Variants in CPM observed in about 807,000 individuals in gnomAD.
CPM encodes carboxypeptidase M.
A neutral mutation model predicts 46.4 loss-of-function variants in CPM; 35 were observed. That is an observed-to-expected ratio of 0.75 (90% CI 0.58 to 1.00). The LOEUF is 1.00. Ranked by LOEUF, CPM falls within the 50% of genes least tolerant of loss-of-function variation. The probability of loss-of-function intolerance (pLI) is 0.00; values close to 1 mark genes in which losing one functional copy is unlikely to be tolerated. For synonymous variants in CPM, 195 were observed against 195.3 expected, an observed-to-expected ratio of 1.00 and a Z score of 0.01; for missense variants, 422 against 530.4, an observed-to-expected ratio of 0.80 and a Z score of 2.01.
chr12:68,932,530 A>C (rs1018164213), intron 2 of CPM, 148 bp downstream of exon 2: 7 of 886,914 alleles, frequency 7.9e-6, no homozygotes, highest in Non-Finnish European at 1.2e-5. Flanking sequence ...AAAAGCAGAA[A>C]ACAACCAACA....
intron 2 of CPM, among the ~76,000 whole-genome samples, chr12:68,893,906 C>T (rs1056632454): frequency 6.6e-6 from 1 of 152,170 alleles, no homozygotes; most frequent in African/African-American, 2.4e-5. Flanking sequence ...CTCTGGCCAA[C>T]CTCTTTGGGC....
chr12:68,859,310 C>A (rs895629016), intron 7 of CPM, among the ~76,000 whole-genome samples: 1 of 152,118 alleles, frequency 6.6e-6, no homozygotes, highest in Non-Finnish European at 1.5e-5. Context: ...TATATTAGTA[C>A]GTATTATCAC....
At position 68,853,151 on chromosome 12, in the gene CPM, A is replaced by G. The variant is rs960841561; in HGVS notation, c.*3286T>C. Reference sequence around the variant, plus strand: ...TAAAAACTATTTCAGCAAGAGATTTACATTAAGGCTCATGAACTAATTCAG... The same window carrying G: ...TAAAAACTATTTCAGCAAGAGATTTGCATTAAGGCTCATGAACTAATTCAG... On this transcript the variant is annotated 3_prime_UTR_variant, in exon 9 of 9. Coordinates refer to ENST00000551568, the MANE Select transcript of CPM (RefSeq NM_198320.5). 5.9e-5 allele frequency: 9 copies of G among 152,240 alleles called. No individual in the cohort carries two copies. Among genetic ancestry groups the G allele is most frequent in the African/African-American group, 2.2e-4 (9 of 41,464 alleles). 9.4% of individuals were successfully genotyped at this position (152,240 alleles called of 1,614,324 possible).
At chr12:68,935,408 G>A (rs1195738), upstream of CPM, among the ~76,000 whole-genome samples, 83,987 of 151,794 alleles carry the variant, frequency 0.55, 23,913 homozygotes, top group South Asian at 0.62. Flanking sequence ...TTACAGGCAC[G>A]CATCGCCACA....
chr12:68,930,247 AT>A (rs1888445109), intron 2 of CPM, among the ~76,000 whole-genome samples: 1 of 152,088 alleles, frequency 6.6e-6, no homozygotes, highest in African/African-American at 2.4e-5. Flanking sequence ...TGTCTGGTTA[AT>A]TTTTTGTATT....
chr12:68,860,886 CT>C (rs879812846), intron 7 of CPM, among the ~76,000 whole-genome samples: 443 of 143,244 alleles, frequency 3.1e-3, no homozygotes, highest in Middle Eastern at 7.3e-3. Flanking sequence ...CTTTCTTCTT[CT>C]TTTTTTTTTT....
chr12:68,883,295 A>G (rs77720346), intron 3 of CPM, among the ~76,000 whole-genome samples: 5,224 of 152,276 alleles, frequency 0.034, 325 homozygotes, highest in African/African-American at 0.12. Flanking sequence ...ATGGGAGGAA[A>G]AAGGGGGTTG....
upstream of CPM, among the ~76,000 whole-genome samples, chr12:68,933,804 C>G (rs1423023253): frequency 6.6e-6 from 1 of 152,208 alleles, no homozygotes; most frequent in Non-Finnish European, 1.5e-5. Flanking sequence ...CATTTTCCAA[C>G]AAGTTTACAT....
chr12:68,958,034 T>C (rs527297264), intron 1 of CPM, among the ~76,000 whole-genome samples: 2 of 152,330 alleles, frequency 1.3e-5, no homozygotes, highest in Admixed American at 1.3e-4. Flanking sequence ...TCCTTTTTTA[T>C]GGCTGCAAAG....
chr12:68,901,539 A>T (rs1367919220), intron 2 of CPM, among the ~76,000 whole-genome samples: 1 of 152,268 alleles, frequency 6.6e-6, no homozygotes, highest in Non-Finnish European at 1.5e-5. Context: ...TTGGAAAAAA[A>T]ATCATGTGAA....
At chr12:68,897,066 C>G (rs1886903878) in intron 2 of CPM, among the ~76,000 whole-genome samples, 1 of 152,104 alleles carries the variant, frequency 6.6e-6, no homozygotes, top group South Asian at 2.1e-4. Context: ...GTAGGAAATT[C>G]CTCTGCCTTT....
chr12:68,917,899 A>G (rs1366586750), intron 2 of CPM, among the ~76,000 whole-genome samples: 1 of 152,188 alleles, frequency 6.6e-6, no homozygotes, highest in Admixed American at 6.5e-5. Flanking sequence ...GGAGAGAAAC[A>G]TGCATTCCTG....
intron 1 of CPM, among the ~76,000 whole-genome samples, chr12:68,954,713 C>T (rs1888985163): frequency 1.3e-5 from 2 of 152,114 alleles, no homozygotes; most frequent in African/African-American, 4.8e-5. Context: ...GTTTAATAGG[C>T]CTCTCAAACT....
chr12:68,864,081 A>G (rs755250603), intron 7 of CPM, among the ~76,000 whole-genome samples: 7 of 152,322 alleles, frequency 4.6e-5, no homozygotes, highest in East Asian at 1.9e-4. Flanking sequence ...ATGTGCCAAT[A>G]TATGTATTTT....
rs73325857 is a variant in CPM at position 68,962,435 on chromosome 12, G to A, written c.-4+734C>T. Among the ~76,000 whole-genome samples the A allele has an allele frequency of 4.7e-3, 716 of 152,150 alleles. 2 individuals are homozygous for A. The highest frequency in any genetic ancestry group is 0.016 in the African/African-American group (655 of 41,522). ...CTGTCTCTCAGTCCCACTCTTCCCCGAGGGCAGCCATAGAAACTAGAATCC... is the reference window on the plus strand; with the variant it reads ...CTGTCTCTCAGTCCCACTCTTCCCCAAGGGCAGCCATAGAAACTAGAATCC... On this transcript the variant is annotated intron_variant, in intron 1 of 8. Coordinates refer to the CPM transcript ENST00000546373.
At chr12:68,909,286 C>A (rs1433538023) in intron 2 of CPM, among the ~76,000 whole-genome samples, 1 of 152,150 alleles carries the variant, frequency 6.6e-6, no homozygotes, top group African/African-American at 2.4e-5. Flanking sequence ...GCCCTGGCCT[C>A]AAACAATCCT....
chr12:68,882,380 T>A (rs1322745574), intron 3 of CPM, among the ~76,000 whole-genome samples: 1 of 149,370 alleles, frequency 6.7e-6, no homozygotes, highest in East Asian at 2.0e-4. Context: ...TCTTGTTCTA[T>A]AAGCAAGTGC....
At position 68,933,152 on chromosome 12, in the gene CPM, G is replaced by A. The variant is rs941113570; in HGVS notation, c.-14C>T. 4.8e-5 allele frequency: 10 copies of A among 210,040 alleles called. No individual in the cohort carries two copies. The highest frequency in any genetic ancestry group is 8.5e-5 in the Non-Finnish European group (9 of 106,278). The allele number at this position is 210,040 out of a possible 1,614,324, so 13.0% of individuals were successfully genotyped here. ...CACCCCCAGCCTCACCAGGTCCCAG[G>A]CGCGCACCTCTACCCACCCGCGGCC... On this transcript the variant is annotated 5_prime_UTR_variant, in exon 1 of 9. Transcript: ENST00000551568.
chr12:68,866,538 T>A (rs1467705779), intron 7 of CPM, among the ~76,000 whole-genome samples: 1 of 152,130 alleles, frequency 6.6e-6, no homozygotes, highest in Non-Finnish European at 1.5e-5. Flanking sequence ...GAGATGAGGT[T>A]TCGCCTTGTT....
Sources: gnomAD v4.1 joint callset for allele counts (sites outside exome capture counted in the v4.1 genomes callset) on GRCh38, gnomAD v4.1.1 for gene constraint, MANE v1.5 for transcripts, NCBI Gene and HGNC (gene_info 2026-07-23, HGNC 2026-07-21) for gene names.